Variants in LAMC1 observed in about 807,000 individuals in gnomAD.
LAMC1 encodes the protein laminin subunit gamma 1, also known as laminin subunit gamma-1.
Under a neutral mutation model 173.6 loss-of-function variants are expected in LAMC1, and 38 were observed. The ratio of observed to expected loss-of-function variants is 0.22; its 90% CI spans 0.17 to 0.29. The LOEUF is 0.29. Ranked by LOEUF, LAMC1 falls within the 10% of genes least tolerant of loss-of-function variation. The probability of loss-of-function intolerance (pLI) is 1.00; values close to 1 mark genes in which losing one functional copy is unlikely to be tolerated. For missense variants in LAMC1, 1,824 were observed against 2,051.8 expected (o/e 0.89, Z 2.14); for synonymous variants, 746 against 749.1 (o/e 1.00, Z 0.07).
At position 183,023,432 on chromosome 1, in the gene LAMC1, G is replaced by C. The variant is rs1277029694; in HGVS notation, c.-285G>C. On this transcript the variant is annotated 5_prime_UTR_variant, in exon 1 of 28. Transcript: ENST00000258341. Reference sequence around the variant, plus strand: ...TCCCCGGGGGCGCGCACTCGGGCACGCGCTCGGAAGTCGGGGGTCGGCGCG... The same window carrying C: ...TCCCCGGGGGCGCGCACTCGGGCACCCGCTCGGAAGTCGGGGGTCGGCGCG... 1 of 171,006 alleles carries C rather than the reference G, an allele frequency of 5.8e-6. No homozygotes were observed. Among genetic ancestry groups the C allele is most frequent in the African/African-American group, 2.4e-5 (1 of 41,362 alleles). 10.6% of individuals were successfully genotyped at this position (171,006 alleles called of 1,614,324 possible).
intron 1 of LAMC1, among the ~76,000 whole-genome samples, chr1:183,051,107 A>C (rs1654416087): frequency 1.3e-5 from 2 of 152,098 alleles, no homozygotes; most frequent in South Asian, 4.1e-4. Flanking sequence ...TCTAGGATGC[A>C]ACTCTGATTT....
At chr1:183,135,981 C>T (rs1160573384) in intron 24 of LAMC1, among the ~76,000 whole-genome samples, 1 of 151,740 alleles carries the variant, frequency 6.6e-6, no homozygotes, top group Non-Finnish European at 1.5e-5. Context: ...CACCACAGGT[C>T]ATGTAACTTC....
chr1:183,126,208 C>T lies in LAMC1; in HGVS notation c.2890C>T (p.His964Tyr). ...GTGCCAGCCCGGCATCACTGGTCAGCACTGTGAGCGCTGTGAGGTCAACCA... is the reference window on the plus strand; with the variant it reads ...GTGCCAGCCCGGCATCACTGGTCAGTACTGTGAGCGCTGTGAGGTCAACCA... ...CECQPGITGQ[H>Y]CERCEVNHFG... The change falls in exon 16 of 28, where the codon CAC becomes TAC. Residue 964 changes from histidine to tyrosine, a missense_variant. Coordinates refer to ENST00000258341, the MANE Select transcript of LAMC1 (RefSeq NM_002293.4). The T allele has an allele frequency of 6.2e-7, 1 of 1,614,166 alleles. No individual in the cohort carries two copies.
intron 17 of LAMC1, among the ~76,000 whole-genome samples, chr1:183,127,660 C>T (rs1656658590): frequency 6.6e-6 from 1 of 152,190 alleles, no homozygotes; most frequent in South Asian, 2.1e-4. Flanking sequence ...CTACAGAATT[C>T]ATCTAAGGTG....
chr1:183,046,620 T>G (rs1217955404), intron 1 of LAMC1, among the ~76,000 whole-genome samples: 1 of 152,132 alleles, frequency 6.6e-6, no homozygotes. Flanking sequence ...CTTTTGTCAC[T>G]GGTATATAAA....
intron 1 of LAMC1, among the ~76,000 whole-genome samples, chr1:183,073,956 C>G (rs980855737): frequency 4.6e-5 from 7 of 152,112 alleles, no homozygotes; most frequent in Non-Finnish European, 2.9e-5. Context: ...CCTTGTAATT[C>G]TGGAACTAAA....
At chr1:183,115,461 T>G (rs2102081850) in intron 5 of LAMC1, 59 bp from the exon 6 acceptor site, 1 of 1,050,640 alleles carries the variant, frequency 9.5e-7, no homozygotes, top group East Asian at 2.4e-5. Flanking sequence ...TTTAACACAT[T>G]GATTTTACTT....
At chr1:183,120,167 CAAAAAA>C (rs55642592) in intron 11 of LAMC1, among the ~76,000 whole-genome samples, 1 of 64,728 alleles carries the variant, frequency 1.5e-5, no homozygotes, top group Non-Finnish European at 2.8e-5. Flanking sequence ...GGATCTATCT[CAAAAAA>C]AAAAAAAAAA....
chr1:183,064,957 A>T (rs1279966387), intron 1 of LAMC1, among the ~76,000 whole-genome samples: 1 of 152,212 alleles, frequency 6.6e-6, no homozygotes, highest in African/African-American at 2.4e-5. Flanking sequence ...AACCATCTAG[A>T]CATGCCAGTT....
intron 1 of LAMC1, among the ~76,000 whole-genome samples, chr1:183,102,437 C>A (rs1655859355): frequency 6.6e-6 from 1 of 152,200 alleles, no homozygotes; most frequent in South Asian, 2.1e-4. Flanking sequence ...CTGGGATCTT[C>A]ACTATAACAT....
intron 1 of LAMC1, among the ~76,000 whole-genome samples, chr1:183,033,501 G>T (rs1009899642): frequency 6.6e-6 from 1 of 152,166 alleles, no homozygotes; most frequent in Non-Finnish European, 1.5e-5. Flanking sequence ...ATATGCTTTG[G>T]TCACAATATC....
intron 1 of LAMC1, among the ~76,000 whole-genome samples, chr1:183,101,581 A>G (rs747210998): frequency 2.0e-5 from 3 of 151,862 alleles, no homozygotes; most frequent in Non-Finnish European, 2.9e-5. Flanking sequence ...AATGCCTTAT[A>G]TTTGTATAGA....
chr1:183,060,866 A>G (rs1287255093), intron 1 of LAMC1, among the ~76,000 whole-genome samples: 1 of 152,210 alleles, frequency 6.6e-6, no homozygotes, highest in Non-Finnish European at 1.5e-5. Context: ...TTGAGAAAAT[A>G]TCGTGTTGAG....
At chr1:183,087,990 T>G (rs1484866498) in intron 1 of LAMC1, among the ~76,000 whole-genome samples, 1 of 151,974 alleles carries the variant, frequency 6.6e-6, no homozygotes, top group Non-Finnish European at 1.5e-5. Context: ...ATTTTGTATT[T>G]TTAGTAGAGA....
intron 1 of LAMC1, among the ~76,000 whole-genome samples, chr1:183,076,114 C>G (rs1655114607): frequency 6.6e-6 from 1 of 152,152 alleles, no homozygotes; most frequent in South Asian, 2.1e-4. Context: ...TTTGCCAGAT[C>G]TTATAGCAAT....
chr1:183,040,777 A>C (rs1454820702), intron 1 of LAMC1, among the ~76,000 whole-genome samples: 1 of 151,974 alleles, frequency 6.6e-6, no homozygotes, highest in Non-Finnish European at 1.5e-5. Context: ...AGAGCTTTTG[A>C]TGATTGAGCA....
At chr1:183,029,317 A>G (rs575855741) in intron 1 of LAMC1, among the ~76,000 whole-genome samples, 95 of 152,142 alleles carry the variant, frequency 6.2e-4, no homozygotes, top group African/African-American at 2.1e-3. Flanking sequence ...GTAAGTTCCC[A>G]TTGCATTTCA....
intron 1 of LAMC1, among the ~76,000 whole-genome samples, chr1:183,089,502 C>T (rs575268946): frequency 6.6e-6 from 1 of 152,252 alleles, no homozygotes; most frequent in South Asian, 2.1e-4. Context: ...AGCGTGATTG[C>T]AAAAAGTTTC....
At chr1:183,099,634 T>C (rs1300482450) in intron 1 of LAMC1, among the ~76,000 whole-genome samples, 2 of 152,152 alleles carry the variant, frequency 1.3e-5, no homozygotes, top group Non-Finnish European at 2.9e-5. Context: ...GTCATCTTCC[T>C]CTGTGTGTGC....
Sources: allele counts gnomAD v4.1 joint callset (sites outside exome capture counted in the v4.1 genomes callset), GRCh38; gene constraint gnomAD v4.1.1; transcripts MANE v1.5; gene names NCBI Gene and HGNC (gene_info 2026-07-23, HGNC 2026-07-21).